The following GFOD1 variants were observed in gnomAD, a reference collection of about 807,000 sequenced individuals.
GFOD1 encodes glucose-fructose oxidoreductase domain-containing protein 1.
In GFOD1, 9 loss-of-function variants were observed where a neutral mutation model predicts 25.4. The observed-to-expected ratio is 0.35, with a 90% CI of 0.21 to 0.62. The LOEUF (loss-of-function observed/expected upper bound fraction) is 0.62. Among genes scored for constraint, GFOD1 ranks in the 20% least tolerant of loss-of-function variants. GFOD1 has a pLI of 0.72. For missense variants in GFOD1, 403 were observed against 556.9 expected (o/e 0.72, Z 2.78); for synonymous variants, 253 against 245.6 (o/e 1.03, Z -0.28).
intron 1 of GFOD1, chr6:13,469,962 G>C (rs1462518429): frequency 7.7e-7 from 1 of 1,307,036 alleles, no homozygotes; most frequent in East Asian, 5.5e-5. Context: ...GTTCTGGATA[G>C]ATGATGAGTT....
intron 1 of GFOD1, among the ~76,000 whole-genome samples, chr6:13,423,841 C>A (rs1786303841): frequency 6.6e-6 from 1 of 151,976 alleles, no homozygotes; most frequent in Non-Finnish European, 1.5e-5. Flanking sequence ...GATGGTCATT[C>A]ATCCTTTCTT....
chr6:13,470,095 G>A (rs771750576), intron 1 of GFOD1: 6 of 1,412,490 alleles, frequency 4.2e-6, no homozygotes, highest in Admixed American at 3.7e-5. Context: ...TGTTGAATTC[G>A]TTTGAAAAAC....
chr6:13,448,300 CCATCAGTCATTT>C (rs1372808033), intron 1 of GFOD1, among the ~76,000 whole-genome samples: 1 of 152,128 alleles, frequency 6.6e-6, no homozygotes, highest in African/African-American at 2.4e-5. Context: ...TTGTAAGTGC[CCATCAGTCATTT>C]CTTGCAAGTG....
rs551198222 is a variant in GFOD1, at chr6:13,392,892, C to CA, written c.254-27231dup. Among the ~76,000 whole-genome samples the CA allele has an allele frequency of 1.8e-3, 247 of 137,522 alleles. 1 individual carries two copies. Among genetic ancestry groups the CA allele is most frequent in the East Asian group, 2.3e-3 (11 of 4,786 alleles). 90.2% of individuals were successfully genotyped at this position (137,522 alleles called of 152,430 possible). A position where few individuals can be genotyped will look rare whatever the true frequency, so the allele number is the denominator to read the frequency against. Reference sequence around the variant, plus strand: ...GCAACATAGCAAGATGCTGTCCCTACAAAAAAAAAAAAATTAAAAATTAGC... The same window carrying CA: ...GCAACATAGCAAGATGCTGTCCCTACAAAAAAAAAAAAAATTAAAAATTAGC... On this transcript the variant is annotated intron_variant, in intron 1 of 1. Transcript: ENST00000379287.
intron 1 of GFOD1, among the ~76,000 whole-genome samples, chr6:13,388,692 C>T (rs1785524271): frequency 6.6e-6 from 1 of 152,202 alleles, no homozygotes; most frequent in Non-Finnish European, 1.5e-5. Flanking sequence ...CCATTCAGGA[C>T]ACAGACATGG....
intron 1 of GFOD1, chr6:13,486,055 A>G: frequency 1.0e-6 from 1 of 986,180 alleles, no homozygotes; most frequent in Non-Finnish European, 1.2e-6. Context: ...AACATCTGCA[A>G]TCTCACGCTA....
At chr6:13,457,626 C>T (rs1758213773) in intron 1 of GFOD1, among the ~76,000 whole-genome samples, 1 of 152,334 alleles carries the variant, frequency 6.6e-6, no homozygotes, top group South Asian at 2.1e-4. Context: ...TTGATAGAGA[C>T]CGGGTATTTC....
chr6:13,473,858 C>T (rs1484747400), intron 1 of GFOD1, among the ~76,000 whole-genome samples: 6 of 152,322 alleles, frequency 3.9e-5, no homozygotes, highest in Non-Finnish European at 8.8e-5. Context: ...TCTGCAGTGC[C>T]ACCTTCTCAG....
At chr6:13,439,902 T>G (rs570828408) in intron 1 of GFOD1, among the ~76,000 whole-genome samples, 40 of 152,302 alleles carry the variant, frequency 2.6e-4, no homozygotes, top group African/African-American at 7.7e-4. Flanking sequence ...ATCCAGAGTT[T>G]TAAGAATTTC....
chr6:13,358,316 T>TTATACA lies in GFOD1; in HGVS notation c.*6421_*6426dup, dbSNP rs1459091614. The TTATACA allele has an allele frequency of 1.3e-5, 2 of 152,052 alleles. No individual in the cohort carries two copies. The highest frequency in any genetic ancestry group is 2.9e-5 in the Non-Finnish European group (2 of 68,026). 9.4% of individuals were successfully genotyped at this position (152,052 alleles called of 1,614,324 possible). ...ACTTCTTATATATATAAGTTTGGTT[T>TTATACA]TATACATATACATACATATATACTC... On this transcript the variant is annotated 3_prime_UTR_variant, in exon 2 of 2. Coordinates refer to ENST00000379287, the MANE Select transcript of GFOD1 (RefSeq NM_018988.4).
At chr6:13,394,942 T>C (rs1275335606) in intron 1 of GFOD1, among the ~76,000 whole-genome samples, 2 of 152,092 alleles carry the variant, frequency 1.3e-5, no homozygotes, top group African/African-American at 4.8e-5. Flanking sequence ...CTTTCATACC[T>C]GGCTAATTTT....
chr6:13,401,604 T>C (rs1427110252), intron 1 of GFOD1, among the ~76,000 whole-genome samples: 1 of 152,168 alleles, frequency 6.6e-6, no homozygotes, highest in African/African-American at 2.4e-5. Context: ...ACAGAATACT[T>C]AGAAATACAT....
chr6:13,384,368 C>T (rs937094122), intron 1 of GFOD1, among the ~76,000 whole-genome samples: 1 of 152,340 alleles, frequency 6.6e-6, no homozygotes, highest in African/African-American at 2.4e-5. Context: ...TCTATGAACT[C>T]GTGAAGTCTT....
intron 1 of GFOD1, among the ~76,000 whole-genome samples, chr6:13,371,275 G>A (rs1785149716): frequency 6.6e-6 from 1 of 152,196 alleles, no homozygotes; most frequent in African/African-American, 2.4e-5. Flanking sequence ...TTTGCCATGA[G>A]AAAAGAATAC....
rs1757732579 is a variant in GFOD1 at position 13,430,563 on chromosome 6, T to A, written c.253+56075A>T. ...CAGAGTGCAGGGATTGGCCACAGTGTTATCCATATTCTCAACACTCCTATT... is the reference window on the plus strand; with the variant it reads ...CAGAGTGCAGGGATTGGCCACAGTGATATCCATATTCTCAACACTCCTATT... On this transcript the variant is annotated intron_variant, in intron 1 of 1. Coordinates refer to ENST00000379287, the MANE Select transcript of GFOD1 (RefSeq NM_018988.4). This position sits in a 1 kb window ranked among gnomAD's most constrained non-coding sequence, Gnocchi z 4.1. Among the ~76,000 whole-genome samples the A allele has an allele frequency of 2.0e-5, 3 of 152,130 alleles. No individual in the cohort carries two copies.
At chr6:13,444,915 G>C (rs1201225731) in intron 1 of GFOD1, among the ~76,000 whole-genome samples, 4 of 152,062 alleles carry the variant, frequency 2.6e-5, no homozygotes, top group African/African-American at 9.7e-5. Flanking sequence ...ATTTTTATAT[G>C]TTAATTAAAA....
intron 1 of GFOD1, among the ~76,000 whole-genome samples, chr6:13,387,230 C>A (rs1469922289): frequency 1.3e-5 from 2 of 152,188 alleles, no homozygotes; most frequent in African/African-American, 4.8e-5. Context: ...CAACATAGAG[C>A]AATGCCCAGA....
chr6:13,358,296 TTA>T lies in GFOD1; in HGVS notation c.*6445_*6446del, dbSNP rs900425672. 1 of 151,756 alleles carries T rather than the reference TTA, an allele frequency of 6.6e-6. No homozygotes were observed. Among genetic ancestry groups the T allele is most frequent in the African/African-American group, 2.4e-5 (1 of 41,354 alleles). 9.4% of individuals were successfully genotyped at this position (151,756 alleles called of 1,614,324 possible). On this transcript the variant is annotated 3_prime_UTR_variant, in exon 2 of 2. Coordinates refer to ENST00000379287, the MANE Select transcript of GFOD1 (RefSeq NM_018988.4). ...TATCTAGTATACATGCCTTGACTTC[TTA>T]TATATATAAGTTTGGTTTTATACAT...
intron 1 of GFOD1, among the ~76,000 whole-genome samples, chr6:13,439,831 C>T (rs1193718202): frequency 2.6e-5 from 4 of 152,152 alleles, no homozygotes; most frequent in African/African-American, 9.7e-5. Flanking sequence ...TTCAAAGACA[C>T]CAATGTCTAT....
Sources: allele counts gnomAD v4.1 joint callset (sites outside exome capture counted in the v4.1 genomes callset), GRCh38; gene constraint gnomAD v4.1.1; non-coding constraint Gnocchi (gnomAD v3.1); transcripts MANE v1.5; gene names NCBI Gene and HGNC (gene_info 2026-07-23, HGNC 2026-07-21).